The following ZNF423 variants were observed in gnomAD, a reference collection of about 807,000 sequenced individuals.
ZNF423 encodes zinc finger protein 423, also known as Ebf-associated zinc finger protein.
A neutral mutation model predicts 95.8 loss-of-function variants in ZNF423; 12 were observed. The ratio of observed to expected loss-of-function variants is 0.13; its 90% CI spans 0.08 to 0.20. The LOEUF (loss-of-function observed/expected upper bound fraction) is 0.20, where lower values mean the gene tolerates loss of function less well. Ranked by LOEUF, ZNF423 falls within the 10% of genes least tolerant of loss-of-function variation. The probability of loss-of-function intolerance (pLI) is 1.00; values close to 1 mark genes in which losing one functional copy is unlikely to be tolerated. For synonymous variants in ZNF423, 749 were observed against 711.9 expected (o/e 1.05, Z -0.83); for missense variants, 1,316 against 1,737.1 (o/e 0.76, Z 4.31).
At chr16:49,709,168 T>TTTTTATATATACA in intron 3 of ZNF423, among the ~76,000 whole-genome samples, 1 of 93,458 alleles carries the variant, frequency 1.1e-5, no homozygotes, top group East Asian at 3.2e-4. Flanking sequence ...CAGCAGCCGT[T>TTTTTATATATACA]TATATATATA....
intron 5 of ZNF423, among the ~76,000 whole-genome samples, chr16:49,593,049 G>A (rs777269796): frequency 3.3e-5 from 5 of 152,186 alleles, no homozygotes; most frequent in Non-Finnish European, 5.9e-5. Context: ...GATGGATTTG[G>A]AGGAAAGGTT....
intron 1 of ZNF423, among the ~76,000 whole-genome samples, chr16:49,802,155 G>A (rs901075165): frequency 9.9e-5 from 15 of 152,120 alleles, no homozygotes; most frequent in African/African-American, 3.6e-4. Context: ...GCTGGGAGTA[G>A]AATTCTTAAC....
chr16:49,528,586 GATGGA>G (rs1968710486), intron 5 of ZNF423, among the ~76,000 whole-genome samples: 1 of 152,134 alleles, frequency 6.6e-6, no homozygotes, highest in Admixed American at 6.5e-5. Context: ...GAAGGGAGGG[GATGGA>G]ATAAAGCCTG....
intron 2 of ZNF423, among the ~76,000 whole-genome samples, chr16:49,752,788 G>A (rs764446410): frequency 5.3e-5 from 8 of 152,142 alleles, no homozygotes; most frequent in Non-Finnish European, 1.2e-4. Context: ...GGTTGCTGTG[G>A]AGCTCATTCA....
At chr16:49,540,377 C>A (rs1342841029) in intron 5 of ZNF423, among the ~76,000 whole-genome samples, 1 of 152,170 alleles carries the variant, frequency 6.6e-6, no homozygotes, top group African/African-American at 2.4e-5. Context: ...CAGGCTCAGG[C>A]GATCCTCACA....
Position 49,806,667 on chromosome 16 carries a change from T to G in ZNF423, c.41-17121A>C, listed in dbSNP as rs1273194205. ...TTCCATCTGGTTCTGAACACACAGA[T>G]CACCCATCCATCTCTCTTTTTACAC... On this transcript the variant is annotated intron_variant, in intron 1 of 7. Transcript: ENST00000563137. Among the ~76,000 whole-genome samples the G allele has an allele frequency of 1.3e-5, 2 of 151,956 alleles. 1 individual carries two copies. Among genetic ancestry groups the G allele is most frequent in the East Asian group, 3.9e-4 (2 of 5,182 alleles).
At chr16:49,785,732 C>CT (rs373641152) in intron 2 of ZNF423, among the ~76,000 whole-genome samples, 259 of 152,362 alleles carry the variant, frequency 1.7e-3, no homozygotes, top group African/African-American at 6.1e-3. Context: ...CCACGGCCCC[C>CT]TCACGTATCA....
At chr16:49,794,086 G>T (rs953592246) in intron 1 of ZNF423, among the ~76,000 whole-genome samples, 1 of 151,970 alleles carries the variant, frequency 6.6e-6, no homozygotes, top group African/African-American at 2.4e-5. Flanking sequence ...GTCTAGGCTG[G>T]AGTGCAGTGG....
In ZNF423 at chr16:49,698,271, A is replaced by G. The variant is rs1040441580; in HGVS notation, c.301+32500T>C. 3.3e-5 allele frequency among the ~76,000 whole-genome samples: 5 copies of G among 152,026 alleles called. No individual in the cohort carries two copies. The East Asian group carries it at 9.7e-4, about 29-fold the overall frequency. ...CTCCTTTGCTCCCGCCCCCCGAAGC[A>G]AGGAGGGCATGTGCTGATTATCTGA... On this transcript the variant is annotated intron_variant, in intron 3 of 7. Coordinates refer to ENST00000563137, the MANE Select transcript of ZNF423 (RefSeq NM_001379286.1).
chr16:49,565,095 A>C (rs769139184), intron 5 of ZNF423, among the ~76,000 whole-genome samples: 1 of 151,990 alleles, frequency 6.6e-6, no homozygotes, highest in Non-Finnish European at 1.5e-5. Context: ...GTTCTAATAC[A>C]CTTCATTCTG....
chr16:49,591,175 C>T (rs1971000663), intron 5 of ZNF423, among the ~76,000 whole-genome samples: 1 of 152,022 alleles, frequency 6.6e-6, no homozygotes, highest in African/African-American at 2.4e-5. Context: ...GCAAACTAAA[C>T]ACAAGTGTGC....
chr16:49,723,398 C>G (rs1346258973), intron 3 of ZNF423, among the ~76,000 whole-genome samples: 1 of 152,188 alleles, frequency 6.6e-6, no homozygotes, highest in African/African-American at 2.4e-5. Flanking sequence ...CTTGGCTGTG[C>G]CTCAACCTAG....
chr16:49,629,913 C>T (rs11865777), intron 4 of ZNF423, among the ~76,000 whole-genome samples: 2,983 of 152,256 alleles, frequency 0.02, 113 homozygotes, highest in African/African-American at 0.068. Flanking sequence ...TTATTATTGG[C>T]GCTAAGAAAA....
intron 1 of ZNF423, among the ~76,000 whole-genome samples, chr16:49,805,981 C>T (rs1250164265): frequency 6.6e-6 from 1 of 152,248 alleles, no homozygotes; most frequent in African/African-American, 2.4e-5. Flanking sequence ...AGGGAGGGCC[C>T]CCGGCCTCCC....
chr16:49,638,604 C>T lies in ZNF423; in HGVS notation c.572G>A (p.Arg191Gln), dbSNP rs1473298259. 2 of 1,613,832 alleles carry T rather than the reference C, an allele frequency of 1.2e-6. No individual in the cohort carries two copies. The highest frequency in any genetic ancestry group is 1.7e-6 in the Non-Finnish European group (2 of 1,179,970). Residue 191 changes from arginine (R) to glutamine (Q), a missense_variant, in exon 4 of 8, where the codon CGG (arginine) becomes CAG (glutamine). Physicochemically the swap from Arg to Gln is conservative, Grantham distance 43. Coordinates refer to ENST00000563137, the MANE Select transcript of ZNF423 (RefSeq NM_001379286.1). The surrounding 1 kb of genome is among the most constrained non-coding windows in gnomAD (Gnocchi z 5.6). ...RLFKHKRSRD[R>Q]HIKLHTGDKK... is the part of the protein sequence containing the mutation. ...GTCGCCCGTATGCAGCTTGATGTGCCGGTCACGGCTCCTCTTGTGCTTGAA... is the reference window on the plus strand; with the variant it reads ...GTCGCCCGTATGCAGCTTGATGTGCTGGTCACGGCTCCTCTTGTGCTTGAA...
At chr16:49,568,054 G>C (rs1006636302) in intron 5 of ZNF423, among the ~76,000 whole-genome samples, 4 of 152,224 alleles carry the variant, frequency 2.6e-5, no homozygotes, top group African/African-American at 9.6e-5. Context: ...TGGCCAATTA[G>C]TGTATTCCAT....
At chr16:49,708,947 T>C (rs1423440860) in intron 3 of ZNF423, among the ~76,000 whole-genome samples, 1 of 151,964 alleles carries the variant, frequency 6.6e-6, no homozygotes, top group African/African-American at 2.4e-5. Flanking sequence ...AGATTCACAT[T>C]ACAAACTTGC....
intron 5 of ZNF423, among the ~76,000 whole-genome samples, chr16:49,533,137 C>T (rs1439865848): frequency 6.6e-6 from 1 of 152,214 alleles, no homozygotes; most frequent in Non-Finnish European, 1.5e-5. Flanking sequence ...GCTTGCTATG[C>T]AGGCATGTGG....
At chr16:49,653,330 A>AG (rs1973487689) in intron 3 of ZNF423, among the ~76,000 whole-genome samples, 1 of 151,740 alleles carries the variant, frequency 6.6e-6, no homozygotes, top group Non-Finnish European at 1.5e-5. Context: ...AAAAAAAAAA[A>AG]AGAATTCAAC....
Sources: gnomAD v4.1 joint callset for allele counts (sites outside exome capture counted in the v4.1 genomes callset) on GRCh38, gnomAD v4.1.1 for gene constraint, Gnocchi (gnomAD v3.1) non-coding constraint, MANE v1.5 for transcripts, NCBI Gene and HGNC (gene_info 2026-07-23, HGNC 2026-07-21) for gene names.